The following C3orf70 variants were observed in gnomAD, a reference collection of about 807,000 sequenced individuals.
C3orf70 encodes the protein chromosome 3 open reading frame 70.
In C3orf70, 15 loss-of-function variants were observed where a neutral mutation model predicts 20.7. The ratio of observed to expected loss-of-function variants is 0.72; its 90% CI spans 0.48 to 1.11. C3orf70 has a LOEUF of 1.11. Ranked by LOEUF, C3orf70 falls within the 50% of genes most tolerant of loss-of-function variation. C3orf70 has a pLI of 0.00. For missense variants in C3orf70, 332 were observed against 317.6 expected, an observed-to-expected ratio of 1.05 and a Z score of -0.34; for synonymous variants, 161 against 125.7, an observed-to-expected ratio of 1.28 and a Z score of -1.88.
At chr3:185,088,295 C>T (rs1284707376) in intron 1 of C3orf70, among the ~76,000 whole-genome samples, 1 of 152,070 alleles carries the variant, frequency 6.6e-6, no homozygotes, top group Non-Finnish European at 1.5e-5. Context: ...AGAATTCTTG[C>T]CACTCCATAA....
At chr3:185,090,789 T>C (rs759765231) in intron 1 of C3orf70, among the ~76,000 whole-genome samples, 8 of 152,186 alleles carry the variant, frequency 5.3e-5, no homozygotes, top group African/African-American at 1.4e-4. Context: ...GGCCCTTCAT[T>C]CTGCCCCACT....
chr3:185,079,116 C>T lies in C3orf70; in HGVS notation c.*3891G>A, dbSNP rs1561319023. 1 of 151,726 alleles carries T rather than the reference C, an allele frequency of 6.6e-6. No homozygotes were observed. Among genetic ancestry groups the T allele is most frequent in the Non-Finnish European group, 1.5e-5 (1 of 67,988 alleles). 9.4% of individuals were successfully genotyped at this position (151,726 alleles called of 1,614,324 possible). On this transcript the variant is annotated 3_prime_UTR_variant, in exon 2 of 2. Transcript: ENST00000335012. The stretch of plus-strand genomic sequence containing the variant: ...CTAACACGGTGAAACCCCGTTTCTA[C>T]TAAAAATACAAAAAATTAGCGAGGC...
At chr3:185,104,889 G>A (rs1715893743) in intron 1 of C3orf70, among the ~76,000 whole-genome samples, 1 of 152,128 alleles carries the variant, frequency 6.6e-6, no homozygotes. Flanking sequence ...CCTGGGTGAT[G>A]AAATAATTGG....
At chr3:185,131,503 A>G (rs1329395434) in intron 1 of C3orf70, among the ~76,000 whole-genome samples, 2 of 152,224 alleles carry the variant, frequency 1.3e-5, no homozygotes, top group South Asian at 2.1e-4. Context: ...CATGTTGTTC[A>G]AAACAAACTT....
At chr3:185,120,714 T>TAAAAA (rs565950615) in intron 1 of C3orf70, among the ~76,000 whole-genome samples, 9 of 72,782 alleles carry the variant, frequency 1.2e-4, no homozygotes, top group African/African-American at 3.5e-4. Flanking sequence ...AATCCAAAAC[T>TAAAAA]AAAAAAAAAA....
chr3:185,144,354 C>T (rs1468022566), intron 1 of C3orf70, among the ~76,000 whole-genome samples: 2 of 152,204 alleles, frequency 1.3e-5, no homozygotes, highest in South Asian at 4.1e-4. Context: ...CAGTGCCTGC[C>T]ATCAGGACAT....
chr3:185,146,584 G>A (rs1417820070), intron 1 of C3orf70, among the ~76,000 whole-genome samples: 2 of 152,058 alleles, frequency 1.3e-5, no homozygotes, highest in Admixed American at 6.6e-5. Flanking sequence ...CACCATGCCC[G>A]GCAGAACCCT....
intron 1 of C3orf70, among the ~76,000 whole-genome samples, chr3:185,094,084 T>G (rs1446232776): frequency 7.0e-6 from 1 of 143,018 alleles, no homozygotes; most frequent in Non-Finnish European, 1.5e-5. Flanking sequence ...GTTTTTTTTT[T>G]TTTTTTTTTT....
chr3:185,148,045 T>C (rs1477361694), intron 1 of C3orf70, among the ~76,000 whole-genome samples: 1 of 152,224 alleles, frequency 6.6e-6, no homozygotes, highest in Non-Finnish European at 1.5e-5. Context: ...TGCCAGCTTA[T>C]CCTCTTGTAC....
At chr3:185,118,569 C>A (rs1716230160) in intron 1 of C3orf70, among the ~76,000 whole-genome samples, 1 of 152,048 alleles carries the variant, frequency 6.6e-6, no homozygotes, top group African/African-American at 2.4e-5. Context: ...TGTAACACAG[C>A]CTCACTACTT....
chr3:185,117,236 T>C (rs1471694566), intron 1 of C3orf70, among the ~76,000 whole-genome samples: 2 of 152,212 alleles, frequency 1.3e-5, no homozygotes, highest in Non-Finnish European at 2.9e-5. Context: ...CCCAATTGTT[T>C]TTTTTCTACT....
intron 1 of C3orf70, among the ~76,000 whole-genome samples, chr3:185,105,500 A>C (rs1434397506): frequency 6.6e-6 from 1 of 152,236 alleles, no homozygotes; most frequent in Admixed American, 6.5e-5. Flanking sequence ...ATTTCCCATA[A>C]GGGATACTTT....
At chr3:185,095,375 GCA>G (rs1434386249) in intron 1 of C3orf70, among the ~76,000 whole-genome samples, 1 of 152,190 alleles carries the variant, frequency 6.6e-6, no homozygotes, top group Non-Finnish European at 1.5e-5. Flanking sequence ...CATTGCTCTA[GCA>G]CACAGCTGTA....
intron 1 of C3orf70, among the ~76,000 whole-genome samples, chr3:185,139,204 G>A (rs1464142180): frequency 6.6e-6 from 1 of 151,616 alleles, no homozygotes; most frequent in Non-Finnish European, 1.5e-5. Flanking sequence ...AGGAGGAGAA[G>A]AGGAAGAAGG....
At chr3:185,103,151 A>G (rs1715855159) in intron 1 of C3orf70, among the ~76,000 whole-genome samples, 1 of 152,168 alleles carries the variant, frequency 6.6e-6, no homozygotes, top group South Asian at 2.1e-4. Context: ...AGGCTGAGGC[A>G]AGAGAATCAT....
In C3orf70 at chr3:185,146,005, A is replaced by C. The variant is rs573237590; in HGVS notation, c.196+6623T>G. ...CCTATCAGCTTTCTCTATCTCTGGA[A>C]GAACCTATCAGCTTTCTCTATCTCT... On this transcript the variant is annotated intron_variant, in intron 1 of 1. Transcript: ENST00000335012. Among the ~76,000 whole-genome samples the C allele has an allele frequency of 5.3e-5, 8 of 152,298 alleles. No homozygotes were observed. In the South Asian group the frequency reaches 1.4e-3, roughly 28 times the overall value.
chr3:185,096,269 T>TA (rs1337464141), intron 1 of C3orf70, among the ~76,000 whole-genome samples: 2 of 152,178 alleles, frequency 1.3e-5, no homozygotes, highest in Non-Finnish European at 2.9e-5. Flanking sequence ...TATTTACAGG[T>TA]AACTAGTGTG....
In C3orf70 at chr3:185,082,904, C is replaced by T. The variant is rs1252136352; in HGVS notation, c.*103G>A. 1.0e-5 allele frequency: 12 copies of T among 1,168,014 alleles called. No individual in the cohort carries two copies. Among genetic ancestry groups the T allele is most frequent in the East Asian group, 2.3e-5 (1 of 42,608 alleles). The allele number at this position is 1,168,014 out of a possible 1,614,324, so 72.4% of individuals were successfully genotyped here. A position where few individuals can be genotyped will look rare whatever the true frequency, so the allele number is the denominator to read the frequency against. On this transcript the variant is annotated 3_prime_UTR_variant, in exon 2 of 2. Transcript: ENST00000335012. ...GCTACGGTTGTTGGTTGGAGCGGGG[C>T]GGGGTGGGTAGAAAATATCAACAGC... is the stretch of plus-strand genomic sequence containing the variant.
chr3:185,106,698 G>C (rs1421790856), intron 1 of C3orf70, among the ~76,000 whole-genome samples: 1 of 152,192 alleles, frequency 6.6e-6, no homozygotes, highest in Non-Finnish European at 1.5e-5. Flanking sequence ...GCCACAGCCG[G>C]TAGTGCCGCA....
Sources: allele counts gnomAD v4.1 joint callset (sites outside exome capture counted in the v4.1 genomes callset), GRCh38; gene constraint gnomAD v4.1.1; transcripts MANE v1.5; gene names NCBI Gene and HGNC (gene_info 2026-07-23, HGNC 2026-07-21).